Variants in EPHA6 observed in about 807,000 individuals in gnomAD.
EPHA6 encodes ephrin type-A receptor 6.
EPHA6 carries 50 observed loss-of-function variants against 112.0 expected under a neutral mutation model. That is an observed-to-expected ratio of 0.45 (90% CI 0.36 to 0.56). EPHA6 has a LOEUF of 0.56. Among genes scored for constraint, EPHA6 ranks in the 20% least tolerant of loss-of-function variants. The probability of loss-of-function intolerance (pLI) is 0.00; values close to 1 mark genes in which losing one functional copy is unlikely to be tolerated. For synonymous variants in EPHA6, 529 were observed against 490.7 expected, an observed-to-expected ratio of 1.08 and a Z score of -1.03; for missense variants, 1,280 against 1,417.4, an observed-to-expected ratio of 0.90 and a Z score of 1.56.
chr3:97,689,875 C>T (rs185109488), intron 14 of EPHA6, among the ~76,000 whole-genome samples: 2 of 152,306 alleles, frequency 1.3e-5, no homozygotes, highest in East Asian at 3.9e-4. Context: ...CAAATGGGAT[C>T]ACCCAACACA....
intron 1 of EPHA6, among the ~76,000 whole-genome samples, chr3:96,817,090 T>C (rs889608042): frequency 1.3e-5 from 2 of 152,038 alleles, no homozygotes; most frequent in Non-Finnish European, 2.9e-5. Flanking sequence ...ACACAGGCTG[T>C]GCATAAGAGT....
intron 3 of EPHA6, among the ~76,000 whole-genome samples, chr3:97,012,709 C>T (rs534829978): frequency 1.3e-5 from 2 of 150,510 alleles, no homozygotes; most frequent in Non-Finnish European, 3.0e-5. Context: ...ATCTGCCCCC[C>T]TCGGCCTCTC....
chr3:97,178,500 G>A (rs1038386506), intron 3 of EPHA6, among the ~76,000 whole-genome samples: 1 of 151,974 alleles, frequency 6.6e-6, no homozygotes, highest in Non-Finnish European at 1.5e-5. Flanking sequence ...CTTTCTGATT[G>A]CAGTGCTCCC....
At chr3:97,082,509 C>G (rs551682500) in intron 3 of EPHA6, among the ~76,000 whole-genome samples, 2 of 151,786 alleles carry the variant, frequency 1.3e-5, no homozygotes, top group African/African-American at 4.8e-5. Flanking sequence ...CAATTTTCCC[C>G]CTGCTTTTAT....
chr3:97,431,607 A>T (rs1296916596), intron 6 of EPHA6, among the ~76,000 whole-genome samples: 1 of 152,074 alleles, frequency 6.6e-6, no homozygotes, highest in African/African-American at 2.4e-5. Flanking sequence ...TTTCCATCCT[A>T]TCTAATTTAG....
intron 5 of EPHA6, among the ~76,000 whole-genome samples, chr3:97,354,660 G>A (rs1345574234): frequency 6.6e-6 from 1 of 152,162 alleles, no homozygotes; most frequent in East Asian, 1.9e-4. Flanking sequence ...TAAAGAGGCA[G>A]TAGAGAGAGA....
Position 97,592,745 on chromosome 3 carries a change from T to C in EPHA6, c.2512+8T>C, listed in dbSNP as rs769856789. The C allele has an allele frequency of 2.5e-6, 4 of 1,576,608 alleles. No individual in the cohort carries two copies. The East Asian group carries it at 6.8e-5, about 27-fold the overall frequency. ...CCCCCAGGATTCCTGCTGGTAGGTA[T>C]TTCAGGTGAAGTTTTCTGCCACCAT... On this transcript the variant is annotated splice_region_variant and intron_variant, in intron 12 of 17. Coordinates refer to ENST00000389672, the MANE Select transcript of EPHA6 (RefSeq NM_001080448.3).
chr3:97,109,611 T>C (rs561026242), intron 3 of EPHA6, among the ~76,000 whole-genome samples: 7 of 152,264 alleles, frequency 4.6e-5, no homozygotes, highest in African/African-American at 1.4e-4. Context: ...AGAGTTGTTT[T>C]TGTGCTGGAA....
At chr3:97,338,271 T>C (rs1434780909) in intron 5 of EPHA6, among the ~76,000 whole-genome samples, 3 of 152,190 alleles carry the variant, frequency 2.0e-5, no homozygotes, top group East Asian at 3.9e-4. Context: ...AGGTATGCAA[T>C]TAAAGCTCGA....
At chr3:97,102,873 T>C (rs1262724898) in intron 3 of EPHA6, among the ~76,000 whole-genome samples, 1 of 152,164 alleles carries the variant, frequency 6.6e-6, no homozygotes, top group Non-Finnish European at 1.5e-5. Context: ...ATTTCTCTAA[T>C]GATCCATGAT....
intron 14 of EPHA6, among the ~76,000 whole-genome samples, chr3:97,664,021 A>G (rs1409414763): frequency 1.3e-5 from 2 of 152,172 alleles, no homozygotes; most frequent in East Asian, 1.9e-4. Context: ...TTTAATGATC[A>G]CCATTCTAAC....
At chr3:97,458,930 G>C (rs1413361056) in intron 7 of EPHA6, among the ~76,000 whole-genome samples, 1 of 152,192 alleles carries the variant, frequency 6.6e-6, no homozygotes, top group Non-Finnish European at 1.5e-5. Context: ...ACAACAGCTA[G>C]TGAGAAGTTC....
intron 11 of EPHA6, among the ~76,000 whole-genome samples, chr3:97,547,262 T>G (rs560029398): frequency 6.6e-6 from 1 of 152,318 alleles, no homozygotes; most frequent in East Asian, 1.9e-4. Flanking sequence ...GTCCTTTCTG[T>G]TTTTTAGTTT....
chr3:97,532,320 C>A (rs778015722), intron 10 of EPHA6, 38 bp from the exon 11 acceptor site: 10 of 1,551,852 alleles, frequency 6.4e-6, no homozygotes, highest in African/African-American at 1.4e-5. Flanking sequence ...TGTAAGTGTT[C>A]GGTTTAATCA....
At chr3:97,506,714 A>G (rs1272665519) in intron 10 of EPHA6, among the ~76,000 whole-genome samples, 3 of 152,172 alleles carry the variant, frequency 2.0e-5, no homozygotes, top group Non-Finnish European at 4.4e-5. Flanking sequence ...AAGAAAGTCA[A>G]TGGTAGATTG....
intron 5 of EPHA6, among the ~76,000 whole-genome samples, chr3:97,298,791 AT>A (rs1215731932): frequency 6.6e-6 from 1 of 152,138 alleles, no homozygotes; most frequent in Non-Finnish European, 1.5e-5. Flanking sequence ...TCTAAAAAAA[AT>A]TCCAATCTCT....
intron 3 of EPHA6, among the ~76,000 whole-genome samples, chr3:97,197,013 C>T (rs776454391): frequency 3.3e-5 from 5 of 151,942 alleles, no homozygotes; most frequent in Non-Finnish European, 5.9e-5. Context: ...AGTCCAAGGG[C>T]GCTTCACTTA....
At chr3:97,364,236 A>T (rs2108950046) in intron 5 of EPHA6, among the ~76,000 whole-genome samples, 1 of 152,228 alleles carries the variant, frequency 6.6e-6, no homozygotes, top group Admixed American at 6.5e-5. Flanking sequence ...ACGAGGACAC[A>T]GAGAAAGCCA....
chr3:97,709,447 G>T (rs950418432), intron 14 of EPHA6, among the ~76,000 whole-genome samples: 7 of 152,348 alleles, frequency 4.6e-5, no homozygotes, highest in African/African-American at 1.2e-4. Context: ...TACCTCCATT[G>T]TATCTTGGAA....
Sources: gnomAD v4.1 joint callset for allele counts (sites outside exome capture counted in the v4.1 genomes callset) on GRCh38, gnomAD v4.1.1 for gene constraint, MANE v1.5 for transcripts, NCBI Gene and HGNC (gene_info 2026-07-23, HGNC 2026-07-21) for gene names.